The following FAM53A variants were observed in gnomAD, a reference collection of about 807,000 sequenced individuals.
The protein encoded by FAM53A is family with sequence similarity 53 member A.
A neutral mutation model predicts 26.6 loss-of-function variants in FAM53A; 28 were observed. The observed-to-expected ratio is 1.05, with a 90% CI of 0.78 to 1.45. The LOEUF (loss-of-function observed/expected upper bound fraction) is 1.45. FAM53A is among the 40% of genes most tolerant of loss of function. FAM53A has a pLI of 0.00. For missense variants in FAM53A, 650 were observed against 575.8 expected (o/e 1.13, Z -1.32); for synonymous variants, 290 against 253.1 (o/e 1.15, Z -1.38).
At chr4:1,606,187 T>C in the FAM53A span, among the ~76,000 whole-genome samples, 12 of 151,762 alleles carry the variant, frequency 7.9e-5, no homozygotes, top group East Asian at 3.9e-4. Flanking sequence ...TACAGGCGCC[T>C]GCCACCACAC....
chr4:1,588,708 G>A, the FAM53A span, among the ~76,000 whole-genome samples: 1 of 152,332 alleles, frequency 6.6e-6, no homozygotes, highest in East Asian at 1.9e-4. Flanking sequence ...GAGAGACCCT[G>A]AGCCAGAACC....
rs367598214 is a variant in FAM53A at position 1,655,230 on chromosome 4, G to A, written c.630C>T (p.Ser210=). ...TCGTGGAGGGCAAGCAGGACTCCGC[G>A]GAACACCAGAGCGGGCCTGAGCCCG... The part of the protein sequence containing the change: ...GSAGSGPLWC[S]AESCLPSTRR... Residue 210 remains serine, a synonymous_variant, in exon 4 of 5, where the codon TCC becomes TCT. Transcript: ENST00000308132. 8.4e-4 allele frequency: 1,288 copies of A among 1,536,142 alleles called. 8 individuals carry two copies. The African/African-American group carries it at 0.015, about 18-fold the overall frequency.
chr4:1,649,497 GAC>G (rs745542177), intron 4 of FAM53A, among the ~76,000 whole-genome samples: 1 of 152,260 alleles, frequency 6.6e-6, no homozygotes, highest in Non-Finnish European at 1.5e-5. Context: ...GTAAGGGCTA[GAC>G]AGAGTTAAGG....
chr4:1,605,011 C>T, the FAM53A span, among the ~76,000 whole-genome samples: 38 of 152,196 alleles, frequency 2.5e-4, no homozygotes, highest in African/African-American at 8.4e-4. The surrounding 1 kb of genome is among the most constrained non-coding windows in gnomAD (Gnocchi z 5.7). Flanking sequence ...CTCTGGGACA[C>T]CTGCCTGCTG....
chr4:1,624,916 C>T (rs1394998253), intron 1 of FAM53A, among the ~76,000 whole-genome samples: 5 of 149,820 alleles, frequency 3.3e-5, no homozygotes, highest in East Asian at 2.0e-4. Context: ...CCCCACGTCC[C>T]GGCCCACGTG....
downstream of FAM53A, among the ~76,000 whole-genome samples, chr4:1,639,160 G>T (rs1188515598): frequency 6.6e-6 from 1 of 152,124 alleles, no homozygotes; most frequent in Non-Finnish European, 1.5e-5. Flanking sequence ...TTGCTGTCCA[G>T]ATTGCCATGT....
the FAM53A span, among the ~76,000 whole-genome samples, chr4:1,605,777 C>T: frequency 6.6e-6 from 1 of 152,162 alleles, no homozygotes; most frequent in Non-Finnish European, 1.5e-5. The surrounding 1 kb of genome is among the most constrained non-coding windows in gnomAD (Gnocchi z 5.7). Context: ...GGGGCGGGCA[C>T]AGCTTTCGAG....
chr4:1,609,128 C>G, the FAM53A span, among the ~76,000 whole-genome samples: 5 of 152,102 alleles, frequency 3.3e-5, no homozygotes, highest in Admixed American at 6.5e-5. Context: ...GGAGAGAGGG[C>G]TGTCCAGAGT....
the FAM53A span, among the ~76,000 whole-genome samples, chr4:1,585,547 G>A: frequency 6.6e-6 from 1 of 152,062 alleles, no homozygotes; most frequent in Admixed American, 6.5e-5. Context: ...GCCTCCCAAA[G>A]TGCTGAGATT....
chr4:1,629,206 A>G (rs1715499644), intron 1 of FAM53A, among the ~76,000 whole-genome samples: 1 of 152,000 alleles, frequency 6.6e-6, no homozygotes, highest in Non-Finnish European at 1.5e-5. Context: ...CCCCATCCCC[A>G]CCGCACCTGG....
intron 1 of FAM53A, among the ~76,000 whole-genome samples, chr4:1,670,621 G>A (rs981143199): frequency 2.6e-5 from 4 of 152,160 alleles, no homozygotes; most frequent in South Asian, 4.1e-4. Flanking sequence ...ACCACCCTCG[G>A]CAGCCACCAC....
intron 1 of FAM53A, among the ~76,000 whole-genome samples, chr4:1,620,814 C>A (rs1259871836): frequency 6.6e-6 from 1 of 152,150 alleles, no homozygotes; most frequent in East Asian, 1.9e-4. Context: ...CACAACACTG[C>A]CATCAACACG....
In FAM53A at chr4:1,644,153, C is replaced by T. The variant is rs1179049199; in HGVS notation, c.883-2546G>A. On this transcript the variant is annotated intron_variant, in intron 4 of 4. Coordinates refer to ENST00000308132, the MANE Select transcript of FAM53A (RefSeq NM_001174070.3). ...CAATCCACAGCACCACCAGGCTGCA[C>T]TACACACGCACCGGGGTGGCGGGGA... is the stretch of plus-strand genomic sequence containing the variant. 7.8e-6 allele frequency: 12 copies of T among 1,530,182 alleles called. No homozygotes were observed. The African/African-American group carries it at 9.6e-5, about 12-fold the overall frequency. 94.8% of individuals were successfully genotyped at this position (1,530,182 alleles called of 1,614,324 possible). A position where few individuals can be genotyped will look rare whatever the true frequency, so the allele number is the denominator to read the frequency against.
the FAM53A span, among the ~76,000 whole-genome samples, chr4:1,590,783 C>A: frequency 1.3e-5 from 2 of 150,726 alleles, no homozygotes; most frequent in Admixed American, 6.6e-5. Flanking sequence ...AGAGGTAATT[C>A]AATTAATTTA....
At chr4:1,601,425 G>A in the FAM53A span, among the ~76,000 whole-genome samples, 9 of 112,048 alleles carry the variant, frequency 8.0e-5, no homozygotes, top group East Asian at 1.4e-3. Flanking sequence ...AGGGCGTGGC[G>A]GGAGGAGCTC....
chr4:1,677,609 C>T (rs1324808078), intron 1 of FAM53A, among the ~76,000 whole-genome samples: 1 of 152,210 alleles, frequency 6.6e-6, no homozygotes. Flanking sequence ...TGCTTTCACA[C>T]TGGAGGTTTC....
In FAM53A at chr4:1,668,667, C is replaced by T. The variant is rs780210239; in HGVS notation, c.75G>A (p.Pro25=). 5.0e-6 allele frequency: 8 copies of T among 1,613,906 alleles called. No individual in the cohort carries two copies. In the Admixed American group the frequency reaches 5.0e-5, roughly 10 times the overall value. Residue 25 remains proline (P), a splice_region_variant and synonymous_variant, in exon 2 of 5, where the codon CCG becomes CCA. Coordinates refer to ENST00000308132, the MANE Select transcript of FAM53A (RefSeq NM_001174070.3). ...CCTGGTGCCACCTGCAGCTGCTTACCGGGCCAGCCTCCGCCTTGCAGGTGA... is the reference window on the plus strand; with the variant it reads ...CCTGGTGCCACCTGCAGCTGCTTACTGGGCCAGCCTCCGCCTTGCAGGTGA... ...DDLTCKAEAG[P]LQYSAETLNK...
intron 1 of FAM53A, among the ~76,000 whole-genome samples, chr4:1,621,578 C>A (rs1715038747): frequency 6.6e-6 from 1 of 152,152 alleles, no homozygotes; most frequent in African/African-American, 2.4e-5. Context: ...CCAGCCTCCA[C>A]AGCGGGGAGC....
chr4:1,685,781 TA>T (rs1457603152), upstream of FAM53A, among the ~76,000 whole-genome samples: 1 of 152,120 alleles, frequency 6.6e-6, no homozygotes, highest in Non-Finnish European at 1.5e-5. Flanking sequence ...CTGGCCAGGT[TA>T]CCCAAAGACA....
Sources: gnomAD v4.1 joint callset for allele counts (sites outside exome capture counted in the v4.1 genomes callset) on GRCh38, gnomAD v4.1.1 for gene constraint, Gnocchi (gnomAD v3.1) non-coding constraint, MANE v1.5 for transcripts, NCBI Gene and HGNC (gene_info 2026-07-23, HGNC 2026-07-21) for gene names.